Variants in GRIA4 observed in about 807,000 individuals in gnomAD.
The protein encoded by GRIA4 is glutamate ionotropic receptor AMPA type subunit 4.
A neutral mutation model predicts 104.0 loss-of-function variants in GRIA4; 34 were observed. The ratio of observed to expected loss-of-function variants is 0.33; its 90% CI spans 0.25 to 0.44. The LOEUF is 0.44. Among genes scored for constraint, GRIA4 ranks in the 20% least tolerant of loss-of-function variants. The pLI is 1.00. For missense variants in GRIA4, 750 were observed against 1,096.5 expected, an observed-to-expected ratio of 0.68 and a Z score of 4.46; for synonymous variants, 386 against 381.9, an observed-to-expected ratio of 1.01 and a Z score of -0.13.
chr11:105,659,855 A>T (rs1316380862), intron 3 of GRIA4, among the ~76,000 whole-genome samples: 3 of 151,878 alleles, frequency 2.0e-5, no homozygotes, highest in African/African-American at 7.2e-5. Context: ...TGAATAGAAG[A>T]TGCACTTAAA....
intron 3 of GRIA4, among the ~76,000 whole-genome samples, chr11:105,618,603 G>T (rs938040759): frequency 7.2e-5 from 11 of 151,984 alleles, no homozygotes; most frequent in African/African-American, 2.7e-4. Flanking sequence ...AGATCTGAGT[G>T]GGGAGGGTGA....
chr11:105,641,326 A>T (rs1951352667), intron 3 of GRIA4, among the ~76,000 whole-genome samples: 2 of 152,102 alleles, frequency 1.3e-5, no homozygotes, highest in Admixed American at 1.3e-4. Context: ...TATTGCATTC[A>T]ATTTTTGCCG....
chr11:105,632,556 A>G (rs1207206679), intron 3 of GRIA4, among the ~76,000 whole-genome samples: 1 of 152,172 alleles, frequency 6.6e-6, no homozygotes. Context: ...TGAGTTTCAG[A>G]GTCTAAGTTA....
intron 3 of GRIA4, among the ~76,000 whole-genome samples, chr11:105,727,098 G>C (rs1257139628): frequency 6.6e-6 from 1 of 151,978 alleles, no homozygotes; most frequent in Non-Finnish European, 1.5e-5. Context: ...CAAGCTAAAG[G>C]AGCATGTTAT....
At chr11:105,701,534 T>C (rs1429122592) in intron 3 of GRIA4, among the ~76,000 whole-genome samples, 1 of 152,196 alleles carries the variant, frequency 6.6e-6, no homozygotes, top group Non-Finnish European at 1.5e-5. Context: ...TGATCAAGAA[T>C]GCAATTCCAT....
At chr11:105,753,954 G>A (rs1171577410) in intron 4 of GRIA4, among the ~76,000 whole-genome samples, 2 of 152,060 alleles carry the variant, frequency 1.3e-5, no homozygotes, top group Admixed American at 6.6e-5. Flanking sequence ...TCAGCCATCC[G>A]GAAGCCCTCC....
chr11:105,748,162 T>C (rs556945161), intron 3 of GRIA4, among the ~76,000 whole-genome samples: 1 of 152,348 alleles, frequency 6.6e-6, no homozygotes, highest in South Asian at 2.1e-4. Flanking sequence ...GCTGCGACAG[T>C]TTAACCGAGG....
chr11:105,834,487 A>C (rs951962924), intron 4 of GRIA4, among the ~76,000 whole-genome samples: 2 of 152,072 alleles, frequency 1.3e-5, no homozygotes, highest in African/African-American at 4.8e-5. Context: ...ACTTGGCAGC[A>C]TGCTGCTACA....
intron 5 of GRIA4, among the ~76,000 whole-genome samples, chr11:105,887,195 T>G (rs1946295519): frequency 6.6e-6 from 1 of 152,066 alleles, no homozygotes; most frequent in Admixed American, 6.5e-5. Context: ...TGAAAATCAT[T>G]TTCAGTTTCT....
intron 4 of GRIA4, among the ~76,000 whole-genome samples, chr11:105,801,286 T>A: frequency 6.6e-6 from 1 of 151,666 alleles, no homozygotes; most frequent in Non-Finnish European, 1.5e-5. Flanking sequence ...ACAGAAAAAT[T>A]AGATTGTGAT....
intron 14 of GRIA4, among the ~76,000 whole-genome samples, chr11:105,970,412 T>C (rs534311983): frequency 1.1e-4 from 17 of 152,338 alleles, no homozygotes; most frequent in African/African-American, 4.1e-4. Context: ...ATATTTTTAA[T>C]TGCAAAAGCT....
intron 5 of GRIA4, among the ~76,000 whole-genome samples, chr11:105,885,357 A>G (rs555713234): frequency 1.3e-5 from 2 of 152,290 alleles, no homozygotes; most frequent in East Asian, 3.9e-4. Context: ...CCTCATCTTC[A>G]TGGTAAGATT....
At chr11:105,803,930 A>C (rs1293141532) in intron 4 of GRIA4, among the ~76,000 whole-genome samples, 1 of 151,650 alleles carries the variant, frequency 6.6e-6, no homozygotes, top group Non-Finnish European at 1.5e-5. Context: ...ACTAGCTCTC[A>C]CTTTTACATT....
chr11:105,699,588 G>A (rs563939728), intron 3 of GRIA4, among the ~76,000 whole-genome samples: 2 of 151,820 alleles, frequency 1.3e-5, no homozygotes, highest in South Asian at 2.1e-4. Flanking sequence ...CCTGTATTAC[G>A]ATGTAAGTTC....
chr11:105,694,505 G>A (rs962441160), intron 3 of GRIA4, among the ~76,000 whole-genome samples: 4 of 151,660 alleles, frequency 2.6e-5, no homozygotes, highest in South Asian at 2.1e-4. Context: ...TTCAACCTAC[G>A]ATATTATCAT....
chr11:105,896,531 T>C (rs370926169), intron 6 of GRIA4, among the ~76,000 whole-genome samples: 11 of 152,120 alleles, frequency 7.2e-5, no homozygotes, highest in East Asian at 5.8e-4. Flanking sequence ...TTTCTTAAGT[T>C]TTCTAGTAGG....
intron 3 of GRIA4, among the ~76,000 whole-genome samples, chr11:105,635,776 A>G (rs1046389245): frequency 6.6e-6 from 1 of 152,242 alleles, no homozygotes; most frequent in Non-Finnish European, 1.5e-5. Context: ...GGCCTTGAAT[A>G]TTGAGCAATA....
At chr11:105,749,387 G>A (rs764201428) in intron 3 of GRIA4, among the ~76,000 whole-genome samples, 2 of 152,186 alleles carry the variant, frequency 1.3e-5, no homozygotes, top group Admixed American at 1.3e-4. Context: ...TAAAAGAAAA[G>A]AGTTGAGCTT....
Position 105,763,259 on chromosome 11 carries a change from T to C in GRIA4, c.487+10039T>C, listed in dbSNP as rs1468669714. On this transcript the variant is annotated intron_variant, in intron 4 of 16. Coordinates refer to ENST00000282499, the MANE Select transcript of GRIA4 (RefSeq NM_000829.4). Reference sequence around the variant, plus strand: ...GGAGGTGAAAAAGTTAATGGAGTTTTGCAGAGGATAAGAAGTCTGGTTTGA... The same window carrying C: ...GGAGGTGAAAAAGTTAATGGAGTTTCGCAGAGGATAAGAAGTCTGGTTTGA... 7.2e-5 allele frequency among the ~76,000 whole-genome samples: 11 copies of C among 152,244 alleles called. No individual in the cohort carries two copies. In the East Asian group the frequency reaches 2.1e-3, roughly 29 times the overall value.
Sources: allele counts gnomAD v4.1 joint callset (sites outside exome capture counted in the v4.1 genomes callset), GRCh38; gene constraint gnomAD v4.1.1; transcripts MANE v1.5; gene names NCBI Gene and HGNC (gene_info 2026-07-23, HGNC 2026-07-21).